Variants in GRIK4 observed in about 807,000 individuals in gnomAD.
GRIK4 encodes the protein glutamate receptor ionotropic, kainate 4.
GRIK4 carries 40 observed loss-of-function variants against 104.9 expected under a neutral mutation model. That is an observed-to-expected ratio of 0.38 (90% CI 0.30 to 0.50). The LOEUF (loss-of-function observed/expected upper bound fraction) is 0.50. Among genes scored for constraint, GRIK4 ranks in the 20% least tolerant of loss-of-function variants. The pLI, the probability that GRIK4 is intolerant of heterozygous loss-of-function variation, is 0.93. For synonymous variants in GRIK4, 485 were observed against 524.9 expected, an observed-to-expected ratio of 0.92 and a Z score of 1.04; for missense variants, 1,047 against 1,308.1, an observed-to-expected ratio of 0.80 and a Z score of 3.08.
chr11:120,757,556 C>T (rs1951674500), intron 3 of GRIK4, among the ~76,000 whole-genome samples: 1 of 152,226 alleles, frequency 6.6e-6, no homozygotes, highest in Non-Finnish European at 1.5e-5. Context: ...TCCACCTCCA[C>T]AGCTGTGAAA....
At chr11:120,814,040 C>G (rs186941857) in intron 4 of GRIK4, among the ~76,000 whole-genome samples, 141 of 152,322 alleles carry the variant, frequency 9.3e-4, no homozygotes, top group Admixed American at 2.1e-3. Flanking sequence ...ATTCTCTCCC[C>G]CTCCTCTGAT....
intron 11 of GRIK4, among the ~76,000 whole-genome samples, chr11:120,891,455 G>A (rs1464791705): frequency 3.3e-5 from 5 of 152,218 alleles, no homozygotes; most frequent in Non-Finnish European, 7.3e-5. Flanking sequence ...ATGTGACTTT[G>A]GGGACATTCA....
At chr11:120,640,370 A>G (rs1351535654) in intron 1 of GRIK4, among the ~76,000 whole-genome samples, 3 of 152,198 alleles carry the variant, frequency 2.0e-5, no homozygotes, top group Non-Finnish European at 2.9e-5. Context: ...AGAAGTTTGG[A>G]ATGTACTTAA....
intron 1 of GRIK4, among the ~76,000 whole-genome samples, chr11:120,556,930 C>T (rs1024898029): frequency 1.3e-5 from 2 of 152,112 alleles, no homozygotes; most frequent in African/African-American, 4.8e-5. Flanking sequence ...TACCTGGGTT[C>T]TGGCCTCCCT....
chr11:120,846,980 A>G (rs1423561877), intron 8 of GRIK4, among the ~76,000 whole-genome samples: 1 of 151,860 alleles, frequency 6.6e-6, no homozygotes, highest in East Asian at 1.9e-4. Context: ...AGCTGTCTTG[A>G]TCTCTCACCA....
intron 3 of GRIK4, among the ~76,000 whole-genome samples, chr11:120,783,556 G>A (rs1196810804): frequency 3.3e-5 from 5 of 151,980 alleles, no homozygotes; most frequent in South Asian, 2.1e-4. Flanking sequence ...TTATGGTCTC[G>A]GTTCTTAATT....
chr11:120,606,006 C>T (rs1948955956), intron 1 of GRIK4, among the ~76,000 whole-genome samples: 1 of 152,136 alleles, frequency 6.6e-6, no homozygotes, highest in Admixed American at 6.5e-5. Flanking sequence ...TCTCTCTTTC[C>T]TCCCATCTCC....
At chr11:120,770,983 A>G (rs1418583962) in intron 3 of GRIK4, among the ~76,000 whole-genome samples, 2 of 152,232 alleles carry the variant, frequency 1.3e-5, no homozygotes, top group Admixed American at 1.3e-4. Context: ...ATAGCAGCCC[A>G]AATGGACTGT....
intron 8 of GRIK4, among the ~76,000 whole-genome samples, chr11:120,838,785 TTTG>T (rs1953644928): frequency 6.6e-6 from 1 of 151,896 alleles, no homozygotes; most frequent in Admixed American, 6.6e-5. Context: ...GTGTGTGTGT[TTTG>T]TTTTTGCTTT....
rs541290977 is a variant in GRIK4, at chr11:120,655,439, G to T, written c.-51+1647G>T. On this transcript the variant is annotated intron_variant, in intron 2 of 20. Coordinates refer to ENST00000527524, the MANE Select transcript of GRIK4 (RefSeq NM_014619.5). The stretch of plus-strand genomic sequence containing the variant: ...GGTGAGCAAAGCCAGATCATGGGAG[G>T]GTTTATCCATTAGATTGAGGGGATT... Among the ~76,000 whole-genome samples the T allele has an allele frequency of 1.2e-4, 18 of 152,214 alleles. 1 individual carries two copies. The South Asian group carries it at 3.5e-3, about 30-fold the overall frequency.
chr11:120,946,853 C>T (rs930789308), intron 14 of GRIK4, among the ~76,000 whole-genome samples: 4 of 152,100 alleles, frequency 2.6e-5, no homozygotes, highest in Admixed American at 2.0e-4. Flanking sequence ...TCAGTGTCAA[C>T]GCTATTCTTT....
intron 1 of GRIK4, among the ~76,000 whole-genome samples, chr11:120,585,753 A>G (rs931630820): frequency 2.0e-5 from 3 of 150,956 alleles, no homozygotes; most frequent in African/African-American, 4.9e-5. Context: ...TGGGTATCCA[A>G]TCATTTTAGC....
chr11:120,646,405 T>G lies in GRIK4; in HGVS notation c.-158-7280T>G, dbSNP rs182384057. On this transcript the variant is annotated intron_variant, in intron 1 of 20. Transcript: ENST00000527524. ...CTCTGGGAGCTCTGTTTAAAACAGA[T>G]GCAGAGCTTGTGCGGATAACCACTC... is the stretch of plus-strand genomic sequence containing the variant. 1.2e-4 allele frequency among the ~76,000 whole-genome samples: 19 copies of G among 152,332 alleles called. No homozygotes were observed. In the East Asian group the frequency reaches 3.3e-3, roughly 26 times the overall value.
At chr11:120,826,718 G>T (rs1249346243) in intron 6 of GRIK4, among the ~76,000 whole-genome samples, 2 of 152,210 alleles carry the variant, frequency 1.3e-5, no homozygotes, top group African/African-American at 4.8e-5. Flanking sequence ...AGCCTCAGCT[G>T]GCTCCTCTCT....
At chr11:120,700,457 T>G (rs1007833725) in intron 3 of GRIK4, among the ~76,000 whole-genome samples, 23 of 150,680 alleles carry the variant, frequency 1.5e-4, no homozygotes, top group African/African-American at 5.6e-4. Context: ...TATTTTTATT[T>G]TTTATTATTA....
intron 1 of GRIK4, among the ~76,000 whole-genome samples, chr11:120,639,592 T>A (rs774025031): frequency 6.6e-6 from 1 of 152,196 alleles, no homozygotes; most frequent in Non-Finnish European, 1.5e-5. Context: ...CTGGAAGGCA[T>A]CCTTGCTTTG....
At chr11:120,665,615 C>T (rs1312206387) in intron 3 of GRIK4, among the ~76,000 whole-genome samples, 2 of 152,130 alleles carry the variant, frequency 1.3e-5, no homozygotes, top group Admixed American at 6.5e-5. Flanking sequence ...TGAGCTGACC[C>T]GTCAGTTTGC....
chr11:120,923,404 A>ATTTTTTTTTT (rs775194642), intron 13 of GRIK4, among the ~76,000 whole-genome samples: 1 of 81,646 alleles, frequency 1.2e-5, no homozygotes, highest in Non-Finnish European at 2.2e-5. Flanking sequence ...CCATTTGCTC[A>ATTTTTTTTTT]TTTTTTTTTT....
At chr11:120,924,197 A>G (rs1943288834) in intron 13 of GRIK4, among the ~76,000 whole-genome samples, 1 of 152,134 alleles carries the variant, frequency 6.6e-6, no homozygotes, top group South Asian at 2.1e-4. Flanking sequence ...TGTGCATTTT[A>G]CCCCTTCTTG....
Sources: allele counts gnomAD v4.1 joint callset (sites outside exome capture counted in the v4.1 genomes callset), GRCh38; gene constraint gnomAD v4.1.1; transcripts MANE v1.5; gene names NCBI Gene and HGNC (gene_info 2026-07-23, HGNC 2026-07-21).